The following SORCS3 variants were observed in gnomAD, a reference collection of about 807,000 sequenced individuals.
SORCS3 encodes the protein sortilin related VPS10 domain containing receptor 3, also known as VPS10 domain-containing receptor SorCS3.
Under a neutral mutation model 146.3 loss-of-function variants are expected in SORCS3, and 57 were observed. That is an observed-to-expected ratio of 0.39 (90% CI 0.31 to 0.49). SORCS3 has a LOEUF of 0.49. Ranked by LOEUF, SORCS3 falls within the 20% of genes least tolerant of loss-of-function variation. The probability of loss-of-function intolerance (pLI) is 0.92; values close to 1 mark genes in which losing one functional copy is unlikely to be tolerated. For missense variants in SORCS3, 1,341 were observed against 1,575.5 expected (o/e 0.85, Z 2.52); for synonymous variants, 653 against 618.5 (o/e 1.06, Z -0.83).
At chr10:105,159,233 A>G (rs980519034) in intron 11 of SORCS3, among the ~76,000 whole-genome samples, 1 of 152,212 alleles carries the variant, frequency 6.6e-6, no homozygotes, top group Non-Finnish European at 1.5e-5. Flanking sequence ...CCCTGTGCTT[A>G]GGAAGAGGCC....
intron 1 of SORCS3, among the ~76,000 whole-genome samples, chr10:104,658,525 T>G (rs1337559333): frequency 1.3e-5 from 2 of 152,210 alleles, no homozygotes; most frequent in Non-Finnish European, 2.9e-5. Context: ...CAGTTTGTAT[T>G]TGTATTTTTA....
At chr10:104,933,068 C>CT (rs2019223548) in intron 3 of SORCS3, among the ~76,000 whole-genome samples, 1 of 152,110 alleles carries the variant, frequency 6.6e-6, no homozygotes, top group Non-Finnish European at 1.5e-5. Flanking sequence ...CCTCAGGCTA[C>CT]TTTCCATAAA....
chr10:105,112,595 G>C (rs1018294666), intron 7 of SORCS3, among the ~76,000 whole-genome samples: 2 of 152,082 alleles, frequency 1.3e-5, no homozygotes, highest in African/African-American at 4.8e-5. Context: ...ACCTGTTCCT[G>C]CCTACCAGTC....
chr10:104,977,733 T>TG (rs933652563), intron 4 of SORCS3, among the ~76,000 whole-genome samples: 1 of 137,064 alleles, frequency 7.3e-6, no homozygotes, highest in African/African-American at 3.1e-5. Flanking sequence ...TTCTTTTCTT[T>TG]TTTTTTTTTT....
intron 1 of SORCS3, among the ~76,000 whole-genome samples, chr10:104,748,750 G>A (rs1206821596): frequency 6.6e-6 from 1 of 152,228 alleles, no homozygotes; most frequent in East Asian, 1.9e-4. Context: ...CTACTTGGGA[G>A]GCTGAGGCAG....
chr10:104,838,148 T>C (rs983575884), intron 1 of SORCS3, among the ~76,000 whole-genome samples: 1 of 152,190 alleles, frequency 6.6e-6, no homozygotes, highest in Admixed American at 6.5e-5. Flanking sequence ...TCCTTGAGTT[T>C]GAGTCCCATT....
chr10:105,002,247 C>T (rs2055066829), intron 4 of SORCS3, among the ~76,000 whole-genome samples: 1 of 152,086 alleles, frequency 6.6e-6, no homozygotes, highest in South Asian at 2.1e-4. Flanking sequence ...GAGGGGAGAC[C>T]AAGAGATTCA....
chr10:104,830,875 G>A (rs1428350327), intron 1 of SORCS3, among the ~76,000 whole-genome samples: 3 of 152,216 alleles, frequency 2.0e-5, no homozygotes, highest in East Asian at 1.9e-4. Flanking sequence ...GCAGTGGTGC[G>A]AATGCAGCTC....
chr10:104,993,385 T>C (rs145879558), intron 4 of SORCS3, among the ~76,000 whole-genome samples: 1 of 152,342 alleles, frequency 6.6e-6, no homozygotes, highest in East Asian at 1.9e-4. Context: ...GATCTACCAG[T>C]AGCTGTCTGA....
intron 5 of SORCS3, among the ~76,000 whole-genome samples, chr10:105,062,464 C>A (rs1351082505): frequency 1.3e-5 from 2 of 152,128 alleles, no homozygotes; most frequent in African/African-American, 2.4e-5. Context: ...GAGAACTGTT[C>A]TTTCTGGGTT....
chr10:104,765,662 C>G (rs960664992), intron 1 of SORCS3, among the ~76,000 whole-genome samples: 1 of 152,134 alleles, frequency 6.6e-6, no homozygotes, highest in Non-Finnish European at 1.5e-5. Context: ...TTCCTACATG[C>G]CGTTGGATGG....
chr10:105,178,306 A>G lies in SORCS3; in HGVS notation c.2009+133A>G, dbSNP rs1410843840. 6 of 613,544 alleles carry G rather than the reference A, an allele frequency of 9.8e-6. 1 individual carries two copies. In the Admixed American group the frequency reaches 1.4e-4, roughly 15 times the overall value. 38.0% of individuals were successfully genotyped at this position (613,544 alleles called of 1,614,324 possible). A position where few individuals can be genotyped will look rare whatever the true frequency, so the allele number is the denominator to read the frequency against. On this transcript the variant is annotated intron_variant, in intron 14 of 26. Coordinates refer to ENST00000369701, the MANE Select transcript of SORCS3 (RefSeq NM_014978.3). ...TCTGGGCCAAAATTTCCTCATCTATAAAATGGAAATACTTATTTTTATACC... is the reference window on the plus strand; with the variant it reads ...TCTGGGCCAAAATTTCCTCATCTATGAAATGGAAATACTTATTTTTATACC...
At chr10:105,009,523 CAAACAAAAAAAAAAAAA>C (rs1445401143) in intron 4 of SORCS3, among the ~76,000 whole-genome samples, 2 of 49,002 alleles carry the variant, frequency 4.1e-5, no homozygotes, top group African/African-American at 1.3e-4. Flanking sequence ...AACAAACAAA[CAAACAAAAAAAAAAAAA>C]AAAAAAAAAA....
intron 1 of SORCS3, among the ~76,000 whole-genome samples, chr10:104,666,754 T>A (rs919832975): frequency 6.6e-6 from 1 of 152,108 alleles, no homozygotes; most frequent in African/African-American, 2.4e-5. Flanking sequence ...TATAGGTGCA[T>A]GCCTCCATAC....
chr10:105,086,989 CCTAT>C (rs1289753388), intron 5 of SORCS3, among the ~76,000 whole-genome samples: 9 of 33,030 alleles, frequency 2.7e-4, no homozygotes, highest in Non-Finnish European at 6.9e-5. Flanking sequence ...TTTGCCCATG[CCTAT>C]GTCCTGGCCC....
chr10:105,263,281 T>C (rs779557641), intron 26 of SORCS3, 29 bp from the exon 27 acceptor site: 53 of 1,611,604 alleles, frequency 3.3e-5, no homozygotes, highest in Non-Finnish European at 4.3e-5. Flanking sequence ...CTCACATCCA[T>C]TTCTCCCTGT....
intron 1 of SORCS3, among the ~76,000 whole-genome samples, chr10:104,669,249 C>T (rs998603855): frequency 6.6e-6 from 1 of 152,200 alleles, no homozygotes; most frequent in Non-Finnish European, 1.5e-5. Context: ...ATACACATAA[C>T]ATAAAAGTTT....
At position 105,214,627 on chromosome 10, in the gene SORCS3, T is replaced by C. The variant is rs1461769852; in HGVS notation, c.2547+14T>C. The C allele has an allele frequency of 1.3e-6, 2 of 1,548,996 alleles. No individual in the cohort carries two copies. Among genetic ancestry groups the C allele is most frequent in the East Asian group, 2.3e-5 (1 of 43,636 alleles). ...CTCATGGAGGAGGTAGGTGCTCAAC[T>C]GGGTCTCTGAGGTCAGAACTCCCAA... On this transcript the variant is annotated intron_variant, in intron 18 of 26. Coordinates refer to ENST00000369701, the MANE Select transcript of SORCS3 (RefSeq NM_014978.3).
intron 4 of SORCS3, among the ~76,000 whole-genome samples, chr10:104,986,047 C>T (rs1427491451): frequency 6.6e-6 from 1 of 152,156 alleles, no homozygotes; most frequent in African/African-American, 2.4e-5. Context: ...AGCTTTGAAG[C>T]CAGGCATTGA....
Sources: allele counts gnomAD v4.1 joint callset (sites outside exome capture counted in the v4.1 genomes callset), GRCh38; gene constraint gnomAD v4.1.1; transcripts MANE v1.5; gene names NCBI Gene and HGNC (gene_info 2026-07-23, HGNC 2026-07-21).